The following KRT28 variants were observed in gnomAD, a reference collection of about 807,000 sequenced individuals.
KRT28 encodes the protein keratin, type I cytoskeletal 28.
A neutral mutation model predicts 48.1 loss-of-function variants in KRT28; 45 were observed. The ratio of observed to expected loss-of-function variants is 0.94; its 90% CI spans 0.74 to 1.20. The LOEUF (loss-of-function observed/expected upper bound fraction) is 1.20, where lower values mean the gene tolerates loss of function less well. Ranked by LOEUF, KRT28 falls within the 50% of genes most tolerant of loss-of-function variation. The probability of loss-of-function intolerance (pLI) is 0.00; values close to 1 mark genes in which losing one functional copy is unlikely to be tolerated. For missense variants in KRT28, 571 were observed against 574.1 expected, an observed-to-expected ratio of 0.99 and a Z score of 0.06; for synonymous variants, 228 against 227.4, an observed-to-expected ratio of 1.00 and a Z score of -0.03.
At chr17:40,798,044 A>G (rs1271839275) in intron 3 of KRT28, among the ~76,000 whole-genome samples, 191 bp downstream of exon 3, 3 of 152,190 alleles carry the variant, frequency 2.0e-5, no homozygotes, top group Non-Finnish European at 2.9e-5. Flanking sequence ...TGAGCGTGTG[A>G]TATGTATTAA....
At position 40,793,227 on chromosome 17, in the gene KRT28, G is replaced by T; in HGVS notation, c.1197-17C>A. The T allele has an allele frequency of 6.8e-7, 1 of 1,467,960 alleles. No individual in the cohort carries two copies. Among genetic ancestry groups the T allele is most frequent in the Non-Finnish European group, 9.1e-7 (1 of 1,093,546 alleles). The allele number at this position is 1,467,960 out of a possible 1,614,324, so 90.9% of individuals were successfully genotyped here. On this transcript the variant is annotated splice_polypyrimidine_tract_variant and intron_variant, in intron 6 of 7. Transcript: ENST00000306658. ...GAGCATGAACTGTAAAAGAAATATA[G>T]TTTATTCTTTTATATTTCTGCTTAC...
intron 2 of KRT28, among the ~76,000 whole-genome samples, chr17:40,798,681 G>C (rs897017076): frequency 2.6e-5 from 4 of 152,066 alleles, no homozygotes; most frequent in African/African-American, 9.7e-5. Flanking sequence ...ATGATTTACT[G>C]AGCATCTACT....
In KRT28 at chr17:40,799,445, T is replaced by A. The variant is rs1017644359; in HGVS notation, c.449A>T (p.Lys150Met). 3 of 1,596,826 alleles carry A rather than the reference T, an allele frequency of 1.9e-6. No individual in the cohort carries two copies. In the African/African-American group the frequency reaches 4.0e-5, roughly 21 times the overall value. The stretch of plus-strand genomic sequence containing the variant: ...AGTTCCAAATCTGTGATTTCTCACC[T>A]TATTCTTAAGATCCTCAATTGTTAG... ...YHLTIEDLKN[K>M]IISSTTTNAN... Residue 150 changes from lysine (K) to methionine (M), a missense_variant and splice_region_variant, in exon 1 of 8, where the codon AAG becomes ATG. Physicochemically the swap from Lys to Met is moderately conservative, Grantham distance 95. Coordinates refer to ENST00000306658, the MANE Select transcript of KRT28 (RefSeq NM_181535.3).
At chr17:40,792,658 T>C in intron 7 of KRT28, 89 bp from the exon 8 acceptor site, 1 of 960,400 alleles carries the variant, frequency 1.0e-6, no homozygotes, top group Non-Finnish European at 1.5e-6. Context: ...ATTATGCATA[T>C]TTTTGATTGA....
intron 5 of KRT28, among the ~76,000 whole-genome samples, chr17:40,795,019 T>G (rs1318200385): frequency 6.6e-6 from 1 of 152,248 alleles, no homozygotes; most frequent in Non-Finnish European, 1.5e-5. Context: ...TATGGTATTA[T>G]ACTTTAAAAA....
chr17:40,794,681 C>A (rs16966289), intron 5 of KRT28, among the ~76,000 whole-genome samples: 35,073 of 152,214 alleles, frequency 0.23, 4,971 homozygotes, highest in East Asian at 0.39. Context: ...CTCTTTGCTA[C>A]TTCTACAGTC....
Position 40,792,521 on chromosome 17 carries a change from T to C in KRT28, c.1301A>G (p.Gln434Arg), listed in dbSNP as rs1383146998. The C allele has an allele frequency of 6.2e-7, 1 of 1,613,400 alleles. No individual in the cohort carries two copies. Among genetic ancestry groups the C allele is most frequent in the African/African-American group, 1.3e-5 (1 of 74,932 alleles). ...LVKTVVEELD[Q>R]RGKVLSSRIH... ...CCTTGATGAAAGAACTTTACCACGT[T>C]GATCTAGCTCTTCAACCACTGTCTT... Residue 434 changes from glutamine (Q) to arginine (R), a missense_variant, in exon 8 of 8, where the codon CAA becomes CGA. Gln to Arg is a conservative substitution (Grantham distance 43, BLOSUM62 1). Transcript: ENST00000306658.
In KRT28 at chr17:40,792,536, A is replaced by T. The variant is rs780463832; in HGVS notation, c.1286T>A (p.Val429Asp). The T allele has an allele frequency of 6.2e-7, 1 of 1,613,192 alleles. No individual in the cohort carries two copies. The highest frequency in any genetic ancestry group is 8.5e-7 in the Non-Finnish European group (1 of 1,179,618). Residue 429 changes from valine (V) to aspartate (D), a missense_variant, in exon 8 of 8, where the codon GTT becomes GAT. Physicochemically the swap from Val to Asp is radical, Grantham distance 152 (BLOSUM62 -3). Transcript: ENST00000306658. ...TTTACCACGTTGATCTAGCTCTTCA[A>T]CCACTGTCTTTACCAGTGTGGTTTT... ...LSKTTLVKTVVEELDQRGKVL... is the reference protein window; with the variant it reads ...LSKTTLVKTVDEELDQRGKVL...
In KRT28 at chr17:40,797,023, G is replaced by C. The variant is rs758079340; in HGVS notation, c.871C>G (p.Gln291Glu). 3.7e-6 allele frequency: 6 copies of C among 1,612,372 alleles called. No homozygotes were observed. The highest frequency in any genetic ancestry group is 5.1e-6 in the Non-Finnish European group (6 of 1,179,250). Residue 291 changes from glutamine to glutamate, a missense_variant, in exon 5 of 8, where the codon CAG becomes GAG. Gln to Glu is a conservative substitution (Grantham distance 29). Transcript: ENST00000306658. ...FNEKSASLQQ[Q>E]ISHDSGAATF... ...GCTGCGCCTGAGTCGTGGGAGATCT[G>C]TTGCTGCAGCGAGGCGCTCTGTAGG...
chr17:40,798,605 C>A (rs537001284), intron 2 of KRT28, among the ~76,000 whole-genome samples: 3 of 152,254 alleles, frequency 2.0e-5, no homozygotes, highest in Admixed American at 6.5e-5. Context: ...AATAGCATAA[C>A]CTAGTTAAAT....
Position 40,796,901 on chromosome 17 carries a change from T to C in KRT28, c.978+15A>G. 1 of 1,574,714 alleles carries C rather than the reference T, an allele frequency of 6.4e-7. No homozygotes were observed. ...TAGAATCACAGGATCCAGGCTGACC[T>C]TCGCTGTCACCTACCGTGGCCATCA... is the stretch of plus-strand genomic sequence containing the variant. On this transcript the variant is annotated intron_variant, in intron 5 of 7. Transcript: ENST00000306658.
At position 40,798,393 on chromosome 17, in the gene KRT28, T is replaced by C. The variant is rs916698403; in HGVS notation, c.534-2A>G. 5 of 1,593,354 alleles carry C rather than the reference T, an allele frequency of 3.1e-6. No individual in the cohort carries two copies. The highest frequency in any genetic ancestry group is 1.3e-5 in the African/African-American group (1 of 74,592). On this transcript the variant is annotated splice_acceptor_variant, in intron 2 of 7. Coordinates refer to ENST00000306658, the MANE Select transcript of KRT28 (RefSeq NM_181535.3). LOFTEE classifies it high-confidence loss of function. ...TGAAGGGTGAGCTCATTTTCATACCTTGGGGGGCATTTAAGTGAATTTCAG... is the reference window on the plus strand; with the variant it reads ...TGAAGGGTGAGCTCATTTTCATACCCTGGGGGGCATTTAAGTGAATTTCAG...
chr17:40,798,436 C>T (rs777726322), intron 2 of KRT28, 45 bp from the exon 3 acceptor site: 1 of 1,555,458 alleles, frequency 6.4e-7, no homozygotes, highest in South Asian at 1.1e-5. Flanking sequence ...AAGACTACCC[C>T]AAGAAACAGA....
rs1904510928 is a variant in KRT28, at chr17:40,792,316, G to T, written c.*111C>A. ...TAAAACTAAGAAAACAGGTATTTTT[G>T]CTAAGTAATGTATCTTTAAAAGTAA... On this transcript the variant is annotated 3_prime_UTR_variant, in exon 8 of 8. Transcript: ENST00000306658. 2.5e-6 allele frequency: 2 copies of T among 807,874 alleles called. No homozygotes were observed. Among genetic ancestry groups the T allele is most frequent in the Middle Eastern group, 3.8e-4 (1 of 2,636 alleles). 50.0% of individuals were successfully genotyped at this position (807,874 alleles called of 1,614,324 possible).
intron 6 of KRT28, 59 bp from the exon 7 acceptor site, chr17:40,793,269 T>C: frequency 9.1e-7 from 1 of 1,095,544 alleles, no homozygotes; most frequent in East Asian, 2.9e-5. Context: ...TTCAGAAATA[T>C]TCATTGACTC....
intron 6 of KRT28, 55 bp downstream of exon 6, chr17:40,793,774 C>T: frequency 6.4e-7 from 1 of 1,554,362 alleles, no homozygotes; most frequent in Non-Finnish European, 8.9e-7. Context: ...AATGGGCAGC[C>T]CACATTTGTA....
Position 40,794,889 on chromosome 17 carries a change from G to T in KRT28, c.979-843C>A, listed in dbSNP as rs892714068. Among the ~76,000 whole-genome samples, 44 of 152,150 alleles carry T rather than the reference G, an allele frequency of 2.9e-4. 1 individual carries two copies. The highest frequency in any genetic ancestry group is 1.2e-4 in the Non-Finnish European group (8 of 68,030). On this transcript the variant is annotated intron_variant, in intron 5 of 7. Coordinates refer to ENST00000306658, the MANE Select transcript of KRT28 (RefSeq NM_181535.3). Reference sequence around the variant, plus strand: ...TGATCTTACATGGTTGAAAATGAAAGATTTATTAAGAGAAGATGCAAGGCT... The same window carrying T: ...TGATCTTACATGGTTGAAAATGAAATATTTATTAAGAGAAGATGCAAGGCT...
rs567413266 is a variant in KRT28 at position 40,792,308 on chromosome 17, G to A, written c.*119C>T. 1.8e-4 allele frequency: 131 copies of A among 733,594 alleles called. 1 individual carries two copies. In the South Asian group the frequency reaches 4.2e-3, roughly 24 times the overall value. 45.4% of individuals were successfully genotyped at this position (733,594 alleles called of 1,614,324 possible). On this transcript the variant is annotated 3_prime_UTR_variant, in exon 8 of 8. Coordinates refer to ENST00000306658, the MANE Select transcript of KRT28 (RefSeq NM_181535.3). ...ATATCCTGTAAAACTAAGAAAACAG[G>A]TATTTTTGCTAAGTAATGTATCTTT...
chr17:40,798,088 G>A, intron 3 of KRT28, 147 bp downstream of exon 3: 1 of 654,326 alleles, frequency 1.5e-6, no homozygotes, highest in Non-Finnish European at 2.6e-6. Context: ...CCTCGTAGTA[G>A]GTAGTATTAT....
Sources: allele counts gnomAD v4.1 joint callset (sites outside exome capture counted in the v4.1 genomes callset), GRCh38; gene constraint gnomAD v4.1.1; transcripts MANE v1.5; gene names NCBI Gene and HGNC (gene_info 2026-07-23, HGNC 2026-07-21).